Variants in ATG4B observed in about 807,000 individuals in gnomAD.
The protein encoded by ATG4B is autophagy related 4B cysteine peptidase.
A neutral mutation model predicts 56.6 loss-of-function variants in ATG4B; 29 were observed. The observed-to-expected ratio is 0.51, with a 90% CI of 0.38 to 0.70. ATG4B has a LOEUF of 0.70. Ranked by LOEUF, ATG4B falls within the 30% of genes least tolerant of loss-of-function variation. The pLI, the probability that ATG4B is intolerant of heterozygous loss-of-function variation, is 0.00. For synonymous variants in ATG4B, 224 were observed against 206.1 expected, an observed-to-expected ratio of 1.09 and a Z score of -0.74; for missense variants, 461 against 515.5, an observed-to-expected ratio of 0.89 and a Z score of 1.02.
At position 241,643,693 on chromosome 2, in the gene ATG4B, T is replaced by TC. The variant is rs1559248159; in HGVS notation, c.10+5969_10+5970insC. Among the ~76,000 whole-genome samples, 665 of 108,056 alleles carry TC rather than the reference T, an allele frequency of 6.2e-3. 34 individuals are homozygous for TC. Among genetic ancestry groups the TC allele is most frequent in the African/African-American group, 0.031 (641 of 20,790 alleles). 70.9% of individuals were successfully genotyped at this position (108,056 alleles called of 152,430 possible). ...GTGTGTGTGTGTGTATGTATATATT[T>TC]TCCCCCCCCCCCGTCGTCCAGGCTG... is the stretch of plus-strand genomic sequence containing the variant. On this transcript the variant is annotated intron_variant, in intron 1 of 12. Transcript: ENST00000404914.
intron 7 of ATG4B, among the ~76,000 whole-genome samples, chr2:241,666,115 G>A (rs1392125275): frequency 6.6e-6 from 1 of 152,262 alleles, no homozygotes; most frequent in Non-Finnish European, 1.5e-5. Flanking sequence ...GCTCCTCTGA[G>A]TGGGGAGTGG....
chr2:241,669,256 G>A (rs2068880533), intron 10 of ATG4B, among the ~76,000 whole-genome samples: 1 of 152,164 alleles, frequency 6.6e-6, no homozygotes, highest in African/African-American at 2.4e-5. Flanking sequence ...TATTTGATGG[G>A]GAAAGAGGCC....
chr2:241,660,334 CCT>C (rs1194999673), intron 7 of ATG4B, among the ~76,000 whole-genome samples: 1 of 152,256 alleles, frequency 6.6e-6, no homozygotes, highest in Non-Finnish European at 1.5e-5. Flanking sequence ...CCCTTCCCTG[CCT>C]CTCCATTCTG....
At chr2:241,643,496 G>C (rs941846776) in intron 1 of ATG4B, among the ~76,000 whole-genome samples, 1 of 145,974 alleles carries the variant, frequency 6.9e-6, no homozygotes, top group Non-Finnish European at 1.5e-5. Context: ...CATGAGCCAC[G>C]GCACCTGGCC....
intron 1 of ATG4B, among the ~76,000 whole-genome samples, chr2:241,643,655 T>TATACACATAA (rs1377453976): frequency 9.9e-6 from 1 of 101,406 alleles, no homozygotes; most frequent in Non-Finnish European, 1.9e-5. Context: ...TGTATAAATA[T>TATACACATAA]ATATATACGT....
At chr2:241,659,652 G>A (rs2068530150) in intron 7 of ATG4B, 2 of 299,242 alleles carry the variant, frequency 6.7e-6, no homozygotes, top group Non-Finnish European at 1.3e-5. Flanking sequence ...GAACCTGGGC[G>A]TGGCAACATT....
At chr2:241,662,650 A>C (rs889087469) in intron 7 of ATG4B, among the ~76,000 whole-genome samples, 1 of 152,228 alleles carries the variant, frequency 6.6e-6, no homozygotes, top group Admixed American at 6.5e-5. Context: ...CTGAGACAGT[A>C]GGGTCTGTGC....
intron 10 of ATG4B, chr2:241,670,470 C>T (rs935679208): frequency 4.0e-5 from 23 of 573,958 alleles, no homozygotes; most frequent in African/African-American, 2.1e-4. Context: ...ATGCACACCA[C>T]GTAACATCTC....
At chr2:241,653,990 G>GAAAA (rs34757883) in intron 4 of ATG4B, among the ~76,000 whole-genome samples, 40 of 72,746 alleles carry the variant, frequency 5.5e-4, no homozygotes, top group African/African-American at 8.0e-4. Flanking sequence ...GACCCTATCT[G>GAAAA]AAAAAAAAAA....
At chr2:241,669,413 C>T (rs1201051375) in intron 10 of ATG4B, among the ~76,000 whole-genome samples, 9 of 152,214 alleles carry the variant, frequency 5.9e-5, no homozygotes, top group Admixed American at 5.9e-4. Context: ...TGAGCTGTGG[C>T]GCAGCCCCAG....
chr2:241,651,378 T>C lies in ATG4B; in HGVS notation c.184+43T>C. Reference sequence around the variant, plus strand: ...TTACAACGCGGGACAAAATATGTTTTTAGGAAGGAGGAAAACTTACGCTTG... The same window carrying C: ...TTACAACGCGGGACAAAATATGTTTCTAGGAAGGAGGAAAACTTACGCTTG... On this transcript the variant is annotated intron_variant, in intron 3 of 12. Transcript: ENST00000404914. The surrounding 1 kb of genome is among the most constrained non-coding windows in gnomAD (Gnocchi z 4.1). The C allele has an allele frequency of 6.9e-7, 1 of 1,454,740 alleles. No homozygotes were observed. Among genetic ancestry groups the C allele is most frequent in the African/African-American group, 1.4e-5 (1 of 70,342 alleles). 90.1% of individuals were successfully genotyped at this position (1,454,740 alleles called of 1,614,324 possible). A position where few individuals can be genotyped will look rare whatever the true frequency, so the allele number is the denominator to read the frequency against.
intron 7 of ATG4B, among the ~76,000 whole-genome samples, chr2:241,662,796 G>T (rs910581676): frequency 6.6e-6 from 1 of 151,872 alleles, no homozygotes; most frequent in Non-Finnish European, 1.5e-5. Context: ...AATAAAGCGG[G>T]CCGGGCGCGG....
At chr2:241,666,368 C>G (rs1450342714) in intron 7 of ATG4B, among the ~76,000 whole-genome samples, 1 of 152,240 alleles carries the variant, frequency 6.6e-6, no homozygotes, top group Non-Finnish European at 1.5e-5. Context: ...CTCTCAAGTG[C>G]ACGTGGCTTT....
At chr2:241,653,383 C>T in intron 3 of ATG4B, 129 bp from the exon 4 acceptor site, 1 of 1,550,770 alleles carries the variant, frequency 6.4e-7, no homozygotes, top group Non-Finnish European at 8.7e-7. Context: ...TGTGTTGCCC[C>T]AGGTGGAGCT....
intron 1 of ATG4B, among the ~76,000 whole-genome samples, chr2:241,646,300 A>G (rs1165160918): frequency 6.6e-6 from 1 of 152,070 alleles, no homozygotes; most frequent in Non-Finnish European, 1.5e-5. Context: ...TTTCTTCCTT[A>G]TCTATACTTC....
At chr2:241,639,967 A>G (rs1345890255) in intron 1 of ATG4B, among the ~76,000 whole-genome samples, 1 of 152,206 alleles carries the variant, frequency 6.6e-6, no homozygotes, top group African/African-American at 2.4e-5. Context: ...TGTGGCTTGA[A>G]GGTTGGGTTT....
intron 1 of ATG4B, chr2:241,638,280 G>C (rs978425323): frequency 6.6e-6 from 1 of 152,208 alleles, no homozygotes; most frequent in African/African-American, 2.4e-5. Context: ...GATTCTCCAA[G>C]CTGCTTTTCC....
intron 7 of ATG4B, among the ~76,000 whole-genome samples, chr2:241,660,370 CGGG>C (rs1201577497): frequency 6.6e-6 from 1 of 152,152 alleles, no homozygotes; most frequent in East Asian, 1.9e-4. Flanking sequence ...TGGCCATCCT[CGGG>C]GGCATTGTGA....
At position 241,668,301 on chromosome 2, in the gene ATG4B, T is replaced by C; in HGVS notation, c.811+80T>C. On this transcript the variant is annotated intron_variant, in intron 9 of 12. Coordinates refer to ENST00000404914, the MANE Select transcript of ATG4B (RefSeq NM_013325.5). The surrounding 1 kb of genome is among the most constrained non-coding windows in gnomAD (Gnocchi z 4.2). ...CCATGAGCAGGTACCACACCCCAGG[T>C]GACCACTTGAGGCCACTGGTGGAAA... is the stretch of plus-strand genomic sequence containing the variant. 6.7e-7 allele frequency: 1 copy of C among 1,494,278 alleles called. No homozygotes were observed. The highest frequency in any genetic ancestry group is 9.1e-7 in the Non-Finnish European group (1 of 1,095,990). The allele number at this position is 1,494,278 out of a possible 1,614,324, so 92.6% of individuals were successfully genotyped here. A position where few individuals can be genotyped will look rare whatever the true frequency, so the allele number is the denominator to read the frequency against.
Sources: gnomAD v4.1 joint callset for allele counts (sites outside exome capture counted in the v4.1 genomes callset) on GRCh38, gnomAD v4.1.1 for gene constraint, Gnocchi (gnomAD v3.1) non-coding constraint, MANE v1.5 for transcripts, NCBI Gene and HGNC (gene_info 2026-07-23, HGNC 2026-07-21) for gene names.